EPHA4: variants seen among roughly 807,000 people sequenced by gnomAD.
The protein encoded by EPHA4 is EPH receptor A4.
Under a neutral mutation model 108.3 loss-of-function variants are expected in EPHA4, and 19 were observed. The observed-to-expected ratio is 0.18, with a 90% confidence interval of 0.12 to 0.26. The LOEUF (loss-of-function observed/expected upper bound fraction) is 0.26. Among genes scored for constraint, EPHA4 ranks in the 10% least tolerant of loss-of-function variants. The pLI, the probability that EPHA4 is intolerant of heterozygous loss-of-function variation, is 1.00. For synonymous variants in EPHA4, 449 were observed against 455.5 expected (o/e 0.99, Z 0.18); for missense variants, 917 against 1,254.0 (o/e 0.73, Z 4.06).
At chr2:221,509,982 GATGAA>G (rs1692777172) in intron 3 of EPHA4, among the ~76,000 whole-genome samples, 1 of 152,274 alleles carries the variant, frequency 6.6e-6, no homozygotes, top group South Asian at 2.1e-4. Flanking sequence ...CTGAAATGAT[GATGAA>G]ATGAGATAAT....
intron 3 of EPHA4, among the ~76,000 whole-genome samples, chr2:221,545,536 C>T (rs1693970058): frequency 6.6e-6 from 1 of 152,250 alleles, no homozygotes; most frequent in East Asian, 1.9e-4. Context: ...TACTCTCAGC[C>T]GTTTATATAT....
At chr2:221,527,050 C>A (rs191126945) in intron 3 of EPHA4, among the ~76,000 whole-genome samples, 53 of 151,176 alleles carry the variant, frequency 3.5e-4, no homozygotes, top group Non-Finnish European at 5.6e-4. Flanking sequence ...TGGCGTGAAC[C>A]CGGGCGGAGC....
intron 5 of EPHA4, among the ~76,000 whole-genome samples, chr2:221,480,735 G>A (rs995924627): frequency 1.3e-5 from 2 of 152,208 alleles, no homozygotes; most frequent in African/African-American, 4.8e-5. Context: ...CACATTTGCA[G>A]AGCTGAAGAT....
At chr2:221,461,517 A>G (rs1268688314) in intron 5 of EPHA4, among the ~76,000 whole-genome samples, 2 of 152,164 alleles carry the variant, frequency 1.3e-5, no homozygotes, top group African/African-American at 2.4e-5. Context: ...AGTGGAAAAA[A>G]AGATTCTCAG....
At chr2:221,427,278 T>C (rs1689942384) in intron 15 of EPHA4, among the ~76,000 whole-genome samples, 1 of 152,222 alleles carries the variant, frequency 6.6e-6, no homozygotes. Flanking sequence ...GTGCTTCTCG[T>C]ATTCCCTTGC....
At chr2:221,432,327 C>A in intron 14 of EPHA4, among the ~76,000 whole-genome samples, 1 of 152,234 alleles carries the variant, frequency 6.6e-6, no homozygotes, top group Middle Eastern at 3.4e-3. Flanking sequence ...ACTATTTGCT[C>A]ATTTAGGTTT....
At chr2:221,543,989 C>T (rs968539379) in intron 3 of EPHA4, among the ~76,000 whole-genome samples, 2 of 152,162 alleles carry the variant, frequency 1.3e-5, no homozygotes, top group African/African-American at 4.8e-5. Flanking sequence ...GGCTCGATTT[C>T]TGGCTCCTAG....
intron 3 of EPHA4, among the ~76,000 whole-genome samples, chr2:221,559,268 C>T (rs1298649300): frequency 6.6e-6 from 1 of 152,080 alleles, no homozygotes; most frequent in Admixed American, 6.6e-5. Flanking sequence ...AATCATTTGG[C>T]CTTAAGAGTG....
At chr2:221,522,024 A>C (rs1297326381) in intron 3 of EPHA4, among the ~76,000 whole-genome samples, 3 of 152,136 alleles carry the variant, frequency 2.0e-5, no homozygotes, top group Non-Finnish European at 4.4e-5. Flanking sequence ...CAAAAAACCC[A>C]AAATAGGCCG....
intron 11 of EPHA4, among the ~76,000 whole-genome samples, chr2:221,438,911 AC>A (rs1690329077): frequency 1.3e-5 from 2 of 152,230 alleles, no homozygotes; most frequent in Non-Finnish European, 2.9e-5. Context: ...CTAAAGAAAT[AC>A]ATTTTCCACC....
At chr2:221,517,484 G>C (rs368329608) in intron 3 of EPHA4, among the ~76,000 whole-genome samples, 45 of 152,232 alleles carry the variant, frequency 3.0e-4, no homozygotes, top group African/African-American at 9.6e-4. Flanking sequence ...CAGGAAGTAT[G>C]ATTAGAAGCA....
In EPHA4 at chr2:221,535,264, C is replaced by T. The variant is rs367774540; in HGVS notation, c.823+28467G>A. 9.9e-5 allele frequency among the ~76,000 whole-genome samples: 15 copies of T among 152,266 alleles called. No individual in the cohort carries two copies. The East Asian group carries it at 2.7e-3, about 28-fold the overall frequency. On this transcript the variant is annotated intron_variant, in intron 3 of 17. Transcript: ENST00000281821. ...TGTGAAAAATTCAGATCACAGACTC[C>T]AAACTCTAAAGTCTTGAGGATTGAT...
intron 1 of EPHA4, among the ~76,000 whole-genome samples, chr2:221,570,305 C>T (rs530411027): frequency 8.6e-6 from 1 of 116,752 alleles, no homozygotes; most frequent in East Asian, 2.2e-4. Flanking sequence ...CTTGGGCTCC[C>T]AAGTTTTTCT....
intron 14 of EPHA4, among the ~76,000 whole-genome samples, chr2:221,431,829 A>T (rs1269506218): frequency 1.3e-5 from 2 of 152,240 alleles, no homozygotes. Flanking sequence ...ATATTTTCTC[A>T]GTTTACTACT....
chr2:221,533,743 A>G (rs1387279846), intron 3 of EPHA4, among the ~76,000 whole-genome samples: 1 of 150,954 alleles, frequency 6.6e-6, no homozygotes, highest in East Asian at 1.9e-4. Flanking sequence ...AAAAAAAAAA[A>G]AAAAAAAAAG....
intron 15 of EPHA4, 49 bp from the exon 16 acceptor site, chr2:221,426,668 CAAG>C (rs1276036187): frequency 1.3e-6 from 2 of 1,531,932 alleles, no homozygotes; most frequent in Non-Finnish European, 1.8e-6. Flanking sequence ...ACCAGTGAGA[CAAG>C]AAGACTCAGA....
chr2:221,556,471 A>ATTTTT (rs1225934215), intron 3 of EPHA4, among the ~76,000 whole-genome samples: 2 of 113,760 alleles, frequency 1.8e-5, no homozygotes, highest in Non-Finnish European at 1.9e-5. Context: ...TAATTTTTGT[A>ATTTTT]TTTTTTTTTT....
intron 8 of EPHA4, among the ~76,000 whole-genome samples, chr2:221,450,260 T>G (rs1559246012): frequency 6.6e-6 from 1 of 152,134 alleles, no homozygotes. Flanking sequence ...AATACAAAAA[T>G]TAACCAGGTG....
At chr2:221,433,127 A>T in intron 14 of EPHA4, among the ~76,000 whole-genome samples, 1 of 152,118 alleles carries the variant, frequency 6.6e-6, no homozygotes, top group East Asian at 1.9e-4. Context: ...CCCGGCCTGC[A>T]TTGAACATTC....
Sources: gnomAD v4.1 joint callset for allele counts (sites outside exome capture counted in the v4.1 genomes callset) on GRCh38, gnomAD v4.1.1 for gene constraint, MANE v1.5 for transcripts, NCBI Gene and HGNC (gene_info 2026-07-23, HGNC 2026-07-21) for gene names.